The following EPPIN variants were observed in gnomAD, a reference collection of about 807,000 sequenced individuals.
EPPIN encodes the protein epididymal peptidase inhibitor.
In EPPIN, 14 loss-of-function variants were observed where a neutral mutation model predicts 18.8. The ratio of observed to expected loss-of-function variants is 0.75; its 90% CI spans 0.49 to 1.17. The LOEUF is 1.17. Among genes scored for constraint, EPPIN ranks in the 50% most tolerant of loss-of-function variants. The pLI is 0.00. For missense variants in EPPIN, 143 were observed against 154.2 expected (o/e 0.93, Z 0.39); for synonymous variants, 57 against 54.8 (o/e 1.04, Z -0.18).
chr20:45,543,011 A>C, intron 2 of EPPIN, 144 bp from the exon 3 acceptor site: 3 of 1,246,248 alleles, frequency 2.4e-6, no homozygotes, highest in Non-Finnish European at 3.2e-6. Context: ...AGCTCCACTG[A>C]CATATTGCAC....
At chr20:45,543,182 A>T (rs913234808) in intron 2 of EPPIN, 1 of 243,114 alleles carries the variant, frequency 4.1e-6, no homozygotes, top group Non-Finnish European at 7.8e-6. Flanking sequence ...AGAGGCACAC[A>T]CACTGTGAGA....
chr20:45,547,315 G>A lies in EPPIN; in HGVS notation c.43C>T (p.Leu15Phe). The part of the protein sequence containing the change: ...GLLSLLVLFV[L>F]LANVQGPGLT... The stretch of plus-strand genomic sequence containing the variant: ...CCAGGTCCCTGGACATTCGCTAAGA[G>A]GACGAATAGCACCAGGAGGCTCAAA... The change falls in exon 1 of 4, where the codon CTC becomes TTC. Residue 15 changes from leucine (L) to phenylalanine (F), a missense_variant. Coordinates refer to ENST00000354280, the MANE Select transcript of EPPIN (RefSeq NM_020398.4). 1 of 1,613,946 alleles carries A rather than the reference G, an allele frequency of 6.2e-7. No individual in the cohort carries two copies. The highest frequency in any genetic ancestry group is 8.5e-7 in the Non-Finnish European group (1 of 1,179,910).
In EPPIN at chr20:45,542,690, T is replaced by C. The variant is rs1378675772; in HGVS notation, c.391+10A>G. 2 of 1,612,452 alleles carry C rather than the reference T, an allele frequency of 1.2e-6. No homozygotes were observed. Among genetic ancestry groups the C allele is most frequent in the East Asian group, 4.5e-5 (2 of 44,854 alleles). On this transcript the variant is annotated intron_variant, in intron 3 of 3. Transcript: ENST00000354280. ...GGAGAGGATGAAAGACCGGGGCCCC[T>C]AGGACTTACGTTTATTCTTGCAGGT...
At chr20:45,545,254 C>G (rs1979776176) in intron 2 of EPPIN, 3 of 214,340 alleles carry the variant, frequency 1.4e-5, no homozygotes, top group South Asian at 1.9e-4. Flanking sequence ...GAGGTGGTCA[C>G]TCCATAGCAA....
In EPPIN at chr20:45,545,753, T is replaced by C; in HGVS notation, c.109A>G (p.Arg37Gly). 1 of 1,614,074 alleles carries C rather than the reference T, an allele frequency of 6.2e-7. No individual in the cohort carries two copies. The highest frequency in any genetic ancestry group is 1.7e-5 in the Admixed American group (1 of 60,012). ...WLFPRRCPKI[R>G]EECEFQERDV... ...CTTTCTTGGAATTCACATTCTTCTC[T>C]GATTTTGGGACATCTCCCTAGGGAA... Residue 37 changes from arginine to glycine, a missense_variant, in exon 2 of 4, where the codon AGA becomes GGA. Transcript: ENST00000354280.
chr20:45,546,816 C>G (rs1410539469), intron 1 of EPPIN, among the ~76,000 whole-genome samples: 1 of 152,158 alleles, frequency 6.6e-6, no homozygotes, highest in Non-Finnish European at 1.5e-5. Flanking sequence ...TTTAAAGAGA[C>G]TTCTGGATGC....
At chr20:45,542,936 C>T in intron 2 of EPPIN, 69 bp from the exon 3 acceptor site, 1 of 1,537,850 alleles carries the variant, frequency 6.5e-7, no homozygotes, top group Non-Finnish European at 8.7e-7. Flanking sequence ...TTATTATTCT[C>T]CCTGGCAACT....
chr20:45,547,178 A>G (rs1034317896), intron 1 of EPPIN, 89 bp downstream of exon 1: 159 of 1,569,682 alleles, frequency 1.0e-4, no homozygotes, highest in Middle Eastern at 3.4e-4. Flanking sequence ...AGATGGTGGA[A>G]AGCAACCCAC....
chr20:45,545,676 G>A lies in EPPIN; in HGVS notation c.186C>T (p.Val62=). ...RQCQDNKKCC[V]FSCGKKCLDL... ...CTAAACATTTTTTTCCGCAGCTGAA[G>A]ACACAACACTTCTTGTTGTCCTGGC... Residue 62 remains valine, a synonymous_variant, in exon 2 of 4, where the codon GTC becomes GTT. Coordinates refer to ENST00000354280, the MANE Select transcript of EPPIN (RefSeq NM_020398.4). 6.2e-7 allele frequency: 1 copy of A among 1,614,052 alleles called. No individual in the cohort carries two copies. Among genetic ancestry groups the A allele is most frequent in the African/African-American group, 1.3e-5 (1 of 75,018 alleles).
chr20:45,542,532 T>C, intron 3 of EPPIN, 168 bp downstream of exon 3: 1 of 996,814 alleles, frequency 1.0e-6, no homozygotes, highest in Non-Finnish European at 1.5e-6. Flanking sequence ...ACTCAGAAAG[T>C]AACTTTGTCT....
Position 45,542,101 on chromosome 20 carries a change from A to G in EPPIN, c.*43T>C. On this transcript the variant is annotated 3_prime_UTR_variant, in exon 4 of 4. Transcript: ENST00000354280. Reference sequence around the variant, plus strand: ...CAGGTACAGGAACAGTACTCAGAGCATGAGCCACATTCTGGCAGTTCTTCC... The same window carrying G: ...CAGGTACAGGAACAGTACTCAGAGCGTGAGCCACATTCTGGCAGTTCTTCC... 1 of 1,612,896 alleles carries G rather than the reference A, an allele frequency of 6.2e-7. No homozygotes were observed. The highest frequency in any genetic ancestry group is 2.2e-5 in the East Asian group (1 of 44,818).
rs374476441 is a variant in EPPIN, at chr20:45,545,766, T to G, written c.96A>C (p.Arg32Ser). 6.2e-7 allele frequency: 1 copy of G among 1,613,954 alleles called. No individual in the cohort carries two copies. The highest frequency in any genetic ancestry group is 8.5e-7 in the Non-Finnish European group (1 of 1,179,890). The change falls in exon 2 of 4, where the codon AGA becomes AGC. Residue 32 changes from arginine to serine, a missense_variant. Transcript: ENST00000354280. ...PGLTDWLFPR[R>S]CPKIREECEF... is the part of the protein sequence containing the mutation. ...CACATTCTTCTCTGATTTTGGGACATCTCCCTAGGGAAAGAGCGGTTTTAC... is the reference window on the plus strand; with the variant it reads ...CACATTCTTCTCTGATTTTGGGACAGCTCCCTAGGGAAAGAGCGGTTTTAC...
At chr20:45,546,329 G>A (rs1156608942) in intron 1 of EPPIN, 2 of 153,960 alleles carry the variant, frequency 1.3e-5, no homozygotes, top group African/African-American at 4.8e-5. Flanking sequence ...TTTGAATTCT[G>A]ACTTGGTCTG....
chr20:45,543,175 GGC>G (rs1979677403), intron 2 of EPPIN: 1 of 261,312 alleles, frequency 3.8e-6, no homozygotes, highest in Non-Finnish European at 7.1e-6. Context: ...TTTGGACAGA[GGC>G]ACACACACTG....
chr20:45,542,614 T>A, intron 3 of EPPIN, 86 bp downstream of exon 3: 1 of 1,530,090 alleles, frequency 6.5e-7, no homozygotes, highest in Admixed American at 2.2e-5. Context: ...GCCAAAGATG[T>A]AGCTGTCCTG....
At chr20:45,545,891 G>A (rs1979809655) in intron 1 of EPPIN, 121 bp from the exon 2 acceptor site, 1 of 1,487,634 alleles carries the variant, frequency 6.7e-7, no homozygotes, top group Non-Finnish European at 9.1e-7. Context: ...TTGCCCCCAG[G>A]AGTTCTTTTC....
intron 2 of EPPIN, chr20:45,543,513 G>A (rs1483754127): frequency 6.6e-6 from 1 of 152,150 alleles, no homozygotes; most frequent in Non-Finnish European, 1.5e-5. Flanking sequence ...TAAACAATTA[G>A]ATCCTGTTGA....
intron 3 of EPPIN, chr20:45,542,357 A>G: frequency 1.4e-6 from 1 of 715,156 alleles, no homozygotes; most frequent in East Asian, 2.7e-5. Context: ...GATGGCTTAG[A>G]AGGGTTGGTT....
In EPPIN at chr20:45,541,689, G is replaced by A. The variant is rs1259067414; in HGVS notation, c.*455C>T. The A allele has an allele frequency of 6.4e-6, 1 of 156,904 alleles. No homozygotes were observed. The highest frequency in any genetic ancestry group is 1.4e-5 in the Non-Finnish European group (1 of 70,954). The allele number at this position is 156,904 out of a possible 1,614,324, so 9.7% of individuals were successfully genotyped here. A position where few individuals can be genotyped will look rare whatever the true frequency, so the allele number is the denominator to read the frequency against. ...TTTACAATCTTTTGTAGAAACAGAG[G>A]AAGATAACAATAACAATATTCCTGG... On this transcript the variant is annotated 3_prime_UTR_variant, in exon 4 of 4. Coordinates refer to ENST00000354280, the MANE Select transcript of EPPIN (RefSeq NM_020398.4).
Sources: gnomAD v4.1 joint callset for allele counts (sites outside exome capture counted in the v4.1 genomes callset) on GRCh38, gnomAD v4.1.1 for gene constraint, MANE v1.5 for transcripts, NCBI Gene and HGNC (gene_info 2026-07-23, HGNC 2026-07-21) for gene names.